Variants in FAT3 observed in about 807,000 individuals in gnomAD.
The protein encoded by FAT3 is protocadherin Fat 3.
Under a neutral mutation model 310.2 loss-of-function variants are expected in FAT3, and 95 were observed. The observed-to-expected ratio is 0.31, with a 90% CI of 0.26 to 0.36. FAT3 has a LOEUF of 0.36. FAT3 is among the 10% of genes least tolerant of loss of function. The pLI, the probability that FAT3 is intolerant of heterozygous loss-of-function variation, is 1.00. For synonymous variants in FAT3, 2,314 were observed against 2,192.9 expected, an observed-to-expected ratio of 1.06 and a Z score of -1.54; for missense variants, 5,408 against 5,715.6, an observed-to-expected ratio of 0.95 and a Z score of 1.74.
chr11:92,289,500 T>TACAC (rs10562084), intron 1 of FAT3, among the ~76,000 whole-genome samples: 5,414 of 144,298 alleles, frequency 0.038, 111 homozygotes, highest in South Asian at 0.062. Context: ...CCATGATAGA[T>TACAC]ACACACACAC....
chr11:92,450,455 T>A (rs1951326369), intron 2 of FAT3, among the ~76,000 whole-genome samples: 1 of 152,062 alleles, frequency 6.6e-6, no homozygotes, highest in South Asian at 2.1e-4. Flanking sequence ...TCTTGGAAGA[T>A]CTTTATGAAT....
At chr11:92,358,546 G>A (rs1300075312) in intron 2 of FAT3, among the ~76,000 whole-genome samples, 2 of 152,038 alleles carry the variant, frequency 1.3e-5, no homozygotes, top group African/African-American at 2.4e-5. Context: ...AAAAAGGTTT[G>A]GGCTTGTTGA....
At chr11:92,577,317 C>T (rs1035053706) in intron 3 of FAT3, among the ~76,000 whole-genome samples, 5 of 151,956 alleles carry the variant, frequency 3.3e-5, no homozygotes, top group African/African-American at 1.2e-4. Context: ...CCATTTTGAC[C>T]AGGCTGAACT....
chr11:92,568,522 C>T (rs1292310104), intron 3 of FAT3, among the ~76,000 whole-genome samples: 1 of 152,046 alleles, frequency 6.6e-6, no homozygotes, highest in Non-Finnish European at 1.5e-5. Flanking sequence ...TCCTCTTAGA[C>T]CCTAGTACAC....
chr11:92,638,568 A>G (rs1046245508), intron 3 of FAT3, among the ~76,000 whole-genome samples: 33 of 152,210 alleles, frequency 2.2e-4, no homozygotes, highest in African/African-American at 8.0e-4. Flanking sequence ...AATGAATACG[A>G]GTTCTGAAAT....
chr11:92,526,642 C>G (rs1368649198), intron 3 of FAT3, among the ~76,000 whole-genome samples: 3 of 152,150 alleles, frequency 2.0e-5, no homozygotes, highest in Non-Finnish European at 4.4e-5. Context: ...GAAGAACATG[C>G]TCATTCATGT....
intron 3 of FAT3, among the ~76,000 whole-genome samples, chr11:92,672,995 T>C (rs1943178637): frequency 1.3e-5 from 2 of 152,196 alleles, no homozygotes; most frequent in Non-Finnish European, 2.9e-5. Context: ...AAAGGATTCA[T>C]GTATTGATTC....
At chr11:92,338,190 T>C (rs890758074) in intron 1 of FAT3, among the ~76,000 whole-genome samples, 2 of 152,206 alleles carry the variant, frequency 1.3e-5, no homozygotes, top group African/African-American at 2.4e-5. Flanking sequence ...AATTGCTGCT[T>C]TCCCCATTTC....
At chr11:92,879,122 T>G (rs999905855) in intron 22 of FAT3, among the ~76,000 whole-genome samples, 7 of 151,682 alleles carry the variant, frequency 4.6e-5, no homozygotes, top group African/African-American at 1.7e-4. Flanking sequence ...AAAAGCGACA[T>G]GGAGGGATTG....
chr11:92,372,412 T>C (rs1013297600), intron 2 of FAT3, among the ~76,000 whole-genome samples: 1 of 151,618 alleles, frequency 6.6e-6, no homozygotes, highest in Non-Finnish European at 1.5e-5. Flanking sequence ...AGAATTGTAA[T>C]GCACTTTGGA....
intron 4 of FAT3, among the ~76,000 whole-genome samples, chr11:92,754,762 G>A (rs185598104): frequency 1.2e-3 from 177 of 150,638 alleles, no homozygotes; most frequent in African/African-American, 3.9e-3. Flanking sequence ...CAGCTACTCC[G>A]GAAGCTGAGG....
intron 4 of FAT3, among the ~76,000 whole-genome samples, chr11:92,704,181 G>A (rs1196171173): frequency 6.6e-6 from 1 of 152,176 alleles, no homozygotes; most frequent in African/African-American, 2.4e-5. Context: ...CTATGCATCT[G>A]AAGAGCAGGT....
At chr11:92,400,797 C>T (rs1157678141) in intron 2 of FAT3, 1 of 151,826 alleles carries the variant, frequency 6.6e-6, no homozygotes, top group African/African-American at 2.4e-5. Context: ...AGAGGAAGCA[C>T]AGATCAATAA....
chr11:92,494,730 T>G (rs1278317559), intron 2 of FAT3, among the ~76,000 whole-genome samples: 2 of 152,026 alleles, frequency 1.3e-5, no homozygotes, highest in Admixed American at 6.6e-5. Flanking sequence ...CCTGCCCTCC[T>G]TGCCAGTATC....
intron 2 of FAT3, among the ~76,000 whole-genome samples, chr11:92,383,068 T>C (rs963376214): frequency 1.2e-4 from 18 of 152,260 alleles, no homozygotes; most frequent in African/African-American, 4.3e-4. Flanking sequence ...ACCTCCTGCT[T>C]ATAAGTGAGA....
At position 92,883,244 on chromosome 11, in the gene FAT3, T is replaced by C; in HGVS notation, c.12788T>C (p.Met4263Thr). The change falls in exon 24 of 28, where the codon ATG (methionine) becomes ACG (threonine). Residue 4263 changes from methionine to threonine, a missense_variant. Coordinates refer to ENST00000525166, the MANE Select transcript of FAT3 (RefSeq NM_001367949.2). This position sits in a 1 kb window ranked among gnomAD's most constrained non-coding sequence, Gnocchi z 4.2. ...GGGCTGGGAGGCGAGCACCAGGAAA[T>C]GACCACGTTTCACCCTGAGTCGCCC... The part of the protein sequence containing the change: ...VDGLGGEHQE[M>T]TTFHPESPRI... The C allele has an allele frequency of 6.2e-7, 1 of 1,612,854 alleles. No individual in the cohort carries two copies.
In FAT3 at chr11:92,799,735, A is replaced by C. The variant is rs1428838655; in HGVS notation, c.6722A>C (p.Lys2241Thr). ...ATTGACTTTGACACTGGGGTCCTGA[A>C]AGTTGTTAGCCCTTTGGATTATGAA... Reference protein sequence around the residue: ...FNIDFDTGVLKVVSPLDYEVT... With the variant: ...FNIDFDTGVLTVVSPLDYEVT... Residue 2241 changes from lysine to threonine, a missense_variant, in exon 10 of 28, where the codon AAA (lysine) becomes ACA (threonine). By Grantham distance (78) the Lys-to-Thr change is moderately conservative. Transcript: ENST00000525166. The C allele has an allele frequency of 1.2e-6, 2 of 1,612,880 alleles. No homozygotes were observed. Among genetic ancestry groups the C allele is most frequent in the Non-Finnish European group, 1.7e-6 (2 of 1,179,402 alleles).
intron 2 of FAT3, among the ~76,000 whole-genome samples, chr11:92,490,224 A>G (rs566305213): frequency 1.3e-5 from 2 of 152,302 alleles, no homozygotes; most frequent in South Asian, 4.1e-4. Flanking sequence ...AGCCATCGGC[A>G]TAATCAGTTC....
At chr11:92,317,490 A>G (rs1947494949) in intron 1 of FAT3, among the ~76,000 whole-genome samples, 1 of 152,212 alleles carries the variant, frequency 6.6e-6, no homozygotes, top group South Asian at 2.1e-4. Context: ...TTCTTTGGAA[A>G]TGTATAGAAC....
Sources: allele counts gnomAD v4.1 joint callset (sites outside exome capture counted in the v4.1 genomes callset), GRCh38; gene constraint gnomAD v4.1.1; non-coding constraint Gnocchi (gnomAD v3.1); transcripts MANE v1.5; gene names NCBI Gene and HGNC (gene_info 2026-07-23, HGNC 2026-07-21).